ZMAT4: variants seen among roughly 807,000 people sequenced by gnomAD.
The protein encoded by ZMAT4 is zinc finger matrin-type protein 4.
ZMAT4 carries 17 observed loss-of-function variants against 28.7 expected under a neutral mutation model. The ratio of observed to expected loss-of-function variants is 0.59; its 90% CI spans 0.41 to 0.89. The LOEUF is 0.89. ZMAT4 is among the 40% of genes least tolerant of loss of function. The pLI is 0.00. For synonymous variants in ZMAT4, 117 were observed against 109.2 expected (o/e 1.07, Z -0.44); for missense variants, 240 against 283.8 (o/e 0.85, Z 1.11).
chr8:40,717,574 T>G (rs576373049), intron 3 of ZMAT4, among the ~76,000 whole-genome samples: 19 of 152,210 alleles, frequency 1.2e-4, no homozygotes, highest in African/African-American at 4.6e-4. Context: ...GGCAAGAGGA[T>G]CCCTTGAGCC....
rs953250868 is a variant in ZMAT4 at position 40,586,030 on chromosome 8, G to A, written c.578-4769C>T. 3.9e-5 allele frequency among the ~76,000 whole-genome samples: 6 copies of A among 152,150 alleles called. No individual in the cohort carries two copies. In the South Asian group the frequency reaches 8.3e-4, roughly 21 times the overall value. ...GTTCTCACGCTCTGCAGCCAGAGGC[G>A]TGGGCAGGAAATATTTGGCACTTTA... is the stretch of plus-strand genomic sequence containing the variant. On this transcript the variant is annotated intron_variant, in intron 5 of 6. Transcript: ENST00000297737.
intron 4 of ZMAT4, among the ~76,000 whole-genome samples, chr8:40,694,729 C>G (rs1433615138): frequency 6.6e-6 from 1 of 152,180 alleles, no homozygotes; most frequent in Non-Finnish European, 1.5e-5. Flanking sequence ...CTCCTGTCTC[C>G]CAGTCCCATT....
chr8:40,571,126 G>A (rs972878114), intron 6 of ZMAT4, among the ~76,000 whole-genome samples: 1 of 152,088 alleles, frequency 6.6e-6, no homozygotes, highest in African/African-American at 2.4e-5. Context: ...GAAGCAGGGA[G>A]GAAATGAATG....
intron 5 of ZMAT4, among the ~76,000 whole-genome samples, chr8:40,625,097 T>C (rs919568616): frequency 2.0e-5 from 3 of 152,016 alleles, no homozygotes; most frequent in Non-Finnish European, 2.9e-5. Context: ...GTGGTAGCCA[T>C]ATGAAGGCCC....
chr8:40,882,199 GAGAT>G (rs1818304723), intron 1 of ZMAT4, among the ~76,000 whole-genome samples: 1 of 152,182 alleles, frequency 6.6e-6, no homozygotes, highest in Admixed American at 6.5e-5. Context: ...TCAGGTTAGA[GAGAT>G]CGATAGGGTT....
intron 2 of ZMAT4, 89 bp from the exon 3 acceptor site, chr8:40,767,819 A>G: frequency 2.8e-6 from 3 of 1,058,110 alleles, no homozygotes; most frequent in Admixed American, 2.8e-5. Context: ...ATGCAAAAAG[A>G]AATGTATTTT....
rs28434141 is a variant in ZMAT4, at chr8:40,742,638, C to A, written c.192+25003G>T. Reference sequence around the variant, plus strand: ...AGGTGCCTCCCTCCAATTTTCATTTCCTCCCTCTAATCTACTTCATACATT... The same window carrying A: ...AGGTGCCTCCCTCCAATTTTCATTTACTCCCTCTAATCTACTTCATACATT... On this transcript the variant is annotated intron_variant, in intron 3 of 6. Coordinates refer to ENST00000297737, the MANE Select transcript of ZMAT4 (RefSeq NM_024645.3). Among the ~76,000 whole-genome samples, 763 of 152,146 alleles carry A rather than the reference C, an allele frequency of 5.0e-3. 2 individuals carry two copies. The highest frequency in any genetic ancestry group is 0.018 in the African/African-American group (728 of 41,494).
At chr8:40,775,297 C>T (rs1461288967) in intron 2 of ZMAT4, among the ~76,000 whole-genome samples, 3 of 152,198 alleles carry the variant, frequency 2.0e-5, no homozygotes, top group Non-Finnish European at 4.4e-5. Context: ...GAAAGACTCA[C>T]ACATCTACTT....
intron 1 of ZMAT4, among the ~76,000 whole-genome samples, chr8:40,881,242 A>AGCCAC (rs1818210802): frequency 6.6e-6 from 1 of 151,556 alleles, no homozygotes; most frequent in African/African-American, 2.4e-5. Flanking sequence ...AAAAAATATT[A>AGCCAC]GCCACGCATG....
intron 5 of ZMAT4, among the ~76,000 whole-genome samples, chr8:40,603,956 G>T (rs1456149566): frequency 6.6e-6 from 1 of 152,128 alleles, no homozygotes; most frequent in East Asian, 1.9e-4. Context: ...CTATTTCTAA[G>T]TATTTTAATT....
intron 4 of ZMAT4, among the ~76,000 whole-genome samples, chr8:40,694,031 A>G (rs936850636): frequency 1.7e-4 from 26 of 152,168 alleles, no homozygotes; most frequent in African/African-American, 6.3e-4. Context: ...TTTCTCTTAC[A>G]TCTTGATTCA....
intron 6 of ZMAT4, among the ~76,000 whole-genome samples, chr8:40,536,992 C>A (rs1018484748): frequency 2.0e-5 from 3 of 151,962 alleles, no homozygotes; most frequent in Non-Finnish European, 2.9e-5. Context: ...TTGTTCTCTG[C>A]ATGTTGATAG....
intron 5 of ZMAT4, among the ~76,000 whole-genome samples, chr8:40,603,894 A>C (rs1805489631): frequency 6.6e-6 from 1 of 152,130 alleles, no homozygotes; most frequent in Non-Finnish European, 1.5e-5. Flanking sequence ...CCTCTCAATC[A>C]GCAGTGTTTT....
chr8:40,823,427 G>A (rs969955931), intron 2 of ZMAT4, among the ~76,000 whole-genome samples: 3 of 152,158 alleles, frequency 2.0e-5, no homozygotes, highest in Non-Finnish European at 4.4e-5. Context: ...GGGAGGCCAA[G>A]GTGAGCAGAT....
intron 5 of ZMAT4, among the ~76,000 whole-genome samples, chr8:40,649,217 G>C (rs1376907654): frequency 1.3e-5 from 2 of 152,066 alleles, no homozygotes; most frequent in East Asian, 3.9e-4. Flanking sequence ...TCAAAATAAA[G>C]GGATGGAGGA....
intron 2 of ZMAT4, chr8:40,786,612 G>T: frequency 1.8e-6 from 2 of 1,084,212 alleles, no homozygotes; most frequent in East Asian, 6.0e-5. Context: ...TTATTCTCTT[G>T]TGAAATCTCA....
chr8:40,781,790 A>AAAAAAAAAAAAAAAAAAC (rs1813846767), intron 2 of ZMAT4, among the ~76,000 whole-genome samples: 1 of 147,050 alleles, frequency 6.8e-6, no homozygotes, highest in Non-Finnish European at 1.5e-5. Context: ...AAAAAAAAAA[A>AAAAAAAAAAAAAAAAAAC]AGAAAAGAAT....
intron 3 of ZMAT4, among the ~76,000 whole-genome samples, chr8:40,701,506 ATTTTTTTTTTTTTTTT>A (rs58912869): frequency 1.4e-5 from 1 of 73,888 alleles, no homozygotes. Flanking sequence ...ACTATGCAGA[ATTTTTTTTTTTTTTTT>A]TTTTTTTTTT....
chr8:40,764,130 C>T (rs557260733), intron 3 of ZMAT4, among the ~76,000 whole-genome samples: 67 of 152,230 alleles, frequency 4.4e-4, no homozygotes, highest in Non-Finnish European at 8.7e-4. Context: ...CAATGGACTG[C>T]GTGAACACTG....
Sources: allele counts gnomAD v4.1 joint callset (sites outside exome capture counted in the v4.1 genomes callset), GRCh38; gene constraint gnomAD v4.1.1; transcripts MANE v1.5; gene names NCBI Gene and HGNC (gene_info 2026-07-23, HGNC 2026-07-21).